Variants in STPG2 observed in about 807,000 individuals in gnomAD.
STPG2 encodes sperm tail PG-rich repeat containing 2.
In STPG2, 56 loss-of-function variants were observed where a neutral mutation model predicts 54.2. That is an observed-to-expected ratio of 1.03 (90% CI 0.83 to 1.29). The LOEUF is 1.29. STPG2 is among the 50% of genes most tolerant of loss of function. The pLI is 0.00. For missense variants in STPG2, 596 were observed against 544.9 expected (o/e 1.09, Z -0.93); for synonymous variants, 200 against 181.8 (o/e 1.10, Z -0.81).
intron 8 of STPG2, among the ~76,000 whole-genome samples, chr4:97,931,315 T>C (rs577812677): frequency 6.6e-5 from 10 of 152,370 alleles, no homozygotes; most frequent in South Asian, 2.1e-4. Context: ...AGGTAGGCTG[T>C]GGATTTGTCC....
chr4:97,705,055 G>C (rs918522884), intron 10 of STPG2, among the ~76,000 whole-genome samples: 1 of 152,044 alleles, frequency 6.6e-6, no homozygotes. Context: ...CTATAGCTCA[G>C]AGGAGAAAAT....
chr4:97,541,096 A>C (rs1011131353), intron 4 of STPG2, among the ~76,000 whole-genome samples: 5 of 152,086 alleles, frequency 3.3e-5, no homozygotes, highest in African/African-American at 1.2e-4. Context: ...TCCTATTCAA[A>C]ATAGTGTTGG....
chr4:97,843,562 C>T (rs754808797), intron 8 of STPG2, among the ~76,000 whole-genome samples: 1 of 151,812 alleles, frequency 6.6e-6, no homozygotes, highest in Non-Finnish European at 1.5e-5. Context: ...ACTTACGAAC[C>T]CCTCAGTGAT....
At chr4:97,675,881 C>CATATACAAT (rs1420364925) in intron 10 of STPG2, among the ~76,000 whole-genome samples, 2 of 146,382 alleles carry the variant, frequency 1.4e-5, no homozygotes, top group East Asian at 4.0e-4. Flanking sequence ...ATTGTATATA[C>CATATACAAT]AGTATAGGTA....
chr4:97,852,115 C>T (rs907790535), intron 8 of STPG2, among the ~76,000 whole-genome samples: 6 of 152,122 alleles, frequency 3.9e-5, no homozygotes, highest in Admixed American at 3.9e-4. Flanking sequence ...CATTAAAAAT[C>T]ACCTTGATAA....
At chr4:97,762,388 GC>G (rs2149054702) in intron 9 of STPG2, among the ~76,000 whole-genome samples, 1 of 152,232 alleles carries the variant, frequency 6.6e-6, no homozygotes, top group African/African-American at 2.4e-5. Flanking sequence ...GACCTGTTCT[GC>G]CCACACAACT....
intron 7 of STPG2, among the ~76,000 whole-genome samples, chr4:97,951,161 C>G (rs945768605): frequency 2.6e-5 from 4 of 152,168 alleles, no homozygotes; most frequent in Non-Finnish European, 1.5e-5. Context: ...ACTCCTGACT[C>G]ACTGTCCCCT....
chr4:97,881,321 C>T (rs547170296), intron 8 of STPG2, among the ~76,000 whole-genome samples: 4 of 152,238 alleles, frequency 2.6e-5, no homozygotes, highest in African/African-American at 9.6e-5. Context: ...TTAATTTTCT[C>T]ATCTCTAAAA....
At chr4:97,999,007 T>C (rs1735330542) in intron 5 of STPG2, among the ~76,000 whole-genome samples, 1 of 137,794 alleles carries the variant, frequency 7.3e-6, no homozygotes, top group South Asian at 2.3e-4. Context: ...TCTTTCTATT[T>C]GTATTTTTTT....
At chr4:97,636,666 AC>A (rs1721546098) in intron 10 of STPG2, among the ~76,000 whole-genome samples, 1 of 152,070 alleles carries the variant, frequency 6.6e-6, no homozygotes, top group Non-Finnish European at 1.5e-5. Context: ...GGATATTACC[AC>A]CAATCCCACA....
intron 8 of STPG2, among the ~76,000 whole-genome samples, chr4:97,907,224 CA>C (rs1471542644): frequency 6.6e-6 from 1 of 150,594 alleles, no homozygotes. Context: ...ACACCAACAA[CA>C]GACAAACAGA....
intron 8 of STPG2, among the ~76,000 whole-genome samples, chr4:97,894,918 A>G (rs1180384457): frequency 6.6e-6 from 1 of 151,978 alleles, no homozygotes; most frequent in Non-Finnish European, 1.5e-5. Flanking sequence ...ATATTTAAAA[A>G]TTAGCAAGAA....
chr4:97,871,618 TA>T (rs1465154533), intron 8 of STPG2, among the ~76,000 whole-genome samples: 1 of 151,040 alleles, frequency 6.6e-6, no homozygotes, highest in African/African-American at 2.4e-5. Context: ...AACACAAAGC[TA>T]AAAAATGTCA....
At chr4:97,848,145 G>T (rs1413166588) in intron 8 of STPG2, among the ~76,000 whole-genome samples, 1 of 152,094 alleles carries the variant, frequency 6.6e-6, no homozygotes, top group Non-Finnish European at 1.5e-5. Flanking sequence ...TTTTCAATTT[G>T]AAGGCAAATT....
chr4:97,480,843 CA>C (rs1387648599), intron 4 of STPG2, among the ~76,000 whole-genome samples: 12 of 151,416 alleles, frequency 7.9e-5, no homozygotes, highest in African/African-American at 2.7e-4. Flanking sequence ...GTTTTTAAAA[CA>C]TTTTTTTTCC....
At chr4:97,829,532 T>C (rs1254791277) in intron 9 of STPG2, among the ~76,000 whole-genome samples, 1 of 152,244 alleles carries the variant, frequency 6.6e-6, no homozygotes. Context: ...GTTTGATGAA[T>C]TGACGGAAGT....
At chr4:98,030,378 A>G (rs960989608) in intron 5 of STPG2, among the ~76,000 whole-genome samples, 3 of 152,182 alleles carry the variant, frequency 2.0e-5, no homozygotes, top group Non-Finnish European at 4.4e-5. Context: ...AATCTATGCA[A>G]TTCCCCAGAA....
chr4:97,913,119 T>C (rs966523727), intron 8 of STPG2, among the ~76,000 whole-genome samples: 39 of 152,306 alleles, frequency 2.6e-4, no homozygotes, highest in Non-Finnish European at 3.2e-4. Flanking sequence ...TTGTATAATA[T>C]AAGCTTCAAG....
chr4:97,880,566 TAGA>T (rs1210807106), intron 8 of STPG2, among the ~76,000 whole-genome samples: 3 of 152,060 alleles, frequency 2.0e-5, no homozygotes, highest in Non-Finnish European at 2.9e-5. Context: ...GTCCGCAAAT[TAGA>T]TAATCCTACA....
Sources: allele counts gnomAD v4.1 joint callset (sites outside exome capture counted in the v4.1 genomes callset), GRCh38; gene constraint gnomAD v4.1.1; transcripts MANE v1.5; gene names NCBI Gene and HGNC (gene_info 2026-07-23, HGNC 2026-07-21).